CNTNAP2: variants seen among roughly 807,000 people sequenced by gnomAD.
CNTNAP2 encodes the protein contactin-associated protein-like 2.
CNTNAP2 carries 98 observed loss-of-function variants against 155.2 expected under a neutral mutation model. That is an observed-to-expected ratio of 0.63 (90% confidence interval 0.54 to 0.75). The LOEUF (loss-of-function observed/expected upper bound fraction) is 0.75, where lower values mean the gene tolerates loss of function less well. Ranked by LOEUF, CNTNAP2 falls within the 30% of genes least tolerant of loss-of-function variation. CNTNAP2 has a pLI of 0.00. For synonymous variants in CNTNAP2, 651 were observed against 631.2 expected, an observed-to-expected ratio of 1.03 and a Z score of -0.47; for missense variants, 1,727 against 1,688.1, an observed-to-expected ratio of 1.02 and a Z score of -0.40.
chr7:146,346,962 C>T (rs1179725272), intron 1 of CNTNAP2, among the ~76,000 whole-genome samples: 1 of 150,770 alleles, frequency 6.6e-6, no homozygotes, highest in Non-Finnish European at 1.5e-5. Context: ...TTTGGAGCCC[C>T]CTTCTGGGCA....
chr7:147,778,602 C>T (rs549940043), intron 13 of CNTNAP2, among the ~76,000 whole-genome samples: 14 of 152,288 alleles, frequency 9.2e-5, no homozygotes, highest in Middle Eastern at 3.4e-3. Context: ...AGTGATACCT[C>T]GGTCCCTGAA....
chr7:146,173,344 T>C (rs188857217), intron 1 of CNTNAP2, among the ~76,000 whole-genome samples: 1 of 152,268 alleles, frequency 6.6e-6, no homozygotes, highest in Admixed American at 6.5e-5. Flanking sequence ...TTTAATTTTC[T>C]CCAGGTGTTT....
intron 8 of CNTNAP2, among the ~76,000 whole-genome samples, chr7:147,158,236 C>A (rs573367188): frequency 6.6e-6 from 1 of 152,102 alleles, no homozygotes; most frequent in East Asian, 1.9e-4. Flanking sequence ...ATTTCATGGA[C>A]CTCTTAAAAA....
At chr7:146,216,532 G>T (rs572125886) in intron 1 of CNTNAP2, among the ~76,000 whole-genome samples, 70 of 152,142 alleles carry the variant, frequency 4.6e-4, no homozygotes, top group African/African-American at 1.6e-3. Context: ...AGCAACTGCC[G>T]ATCAGCAGAA....
chr7:147,074,668 G>A (rs1799961777), intron 4 of CNTNAP2, among the ~76,000 whole-genome samples: 1 of 151,988 alleles, frequency 6.6e-6, no homozygotes, highest in Non-Finnish European at 1.5e-5. Context: ...AATAGAATAG[G>A]CCAAAATATA....
intron 8 of CNTNAP2, among the ~76,000 whole-genome samples, chr7:147,238,617 T>C (rs762651929): frequency 2.0e-5 from 3 of 152,180 alleles, no homozygotes; most frequent in African/African-American, 4.8e-5. Flanking sequence ...ATTGAGAATA[T>C]ATTTTATTTC....
Position 147,616,242 on chromosome 7 carries a change from A to G in CNTNAP2, c.1898-22864A>G, listed in dbSNP as rs1285536355. The stretch of plus-strand genomic sequence containing the variant: ...AAAGTCTAAGTGACCATCTCCCATT[A>G]GCTAAAGTAGTAGTTTACAAGTCAT... On this transcript the variant is annotated intron_variant, in intron 12 of 23. Transcript: ENST00000361727. Among the ~76,000 whole-genome samples the G allele has an allele frequency of 2.6e-5, 4 of 152,146 alleles. No homozygotes were observed. The East Asian group carries it at 7.7e-4, about 29-fold the overall frequency.
At chr7:146,671,739 T>C (rs760173445) in intron 1 of CNTNAP2, among the ~76,000 whole-genome samples, 2 of 152,140 alleles carry the variant, frequency 1.3e-5, no homozygotes, top group Non-Finnish European at 2.9e-5. Context: ...TATTTCTCCT[T>C]CCATTTTAGT....
intron 2 of CNTNAP2, among the ~76,000 whole-genome samples, chr7:146,790,979 G>T (rs1007773553): frequency 6.6e-6 from 1 of 150,968 alleles, no homozygotes; most frequent in Non-Finnish European, 1.5e-5. Context: ...GTGCAGGTTT[G>T]TTACACAGGT....
intron 1 of CNTNAP2, among the ~76,000 whole-genome samples, chr7:146,450,935 A>ATAT (rs1796469961): frequency 6.7e-6 from 1 of 148,744 alleles, no homozygotes; most frequent in Non-Finnish European, 1.5e-5. Flanking sequence ...CATAGTAAAA[A>ATAT]TATTTATTTA....
chr7:146,323,143 G>A (rs1801035435), intron 1 of CNTNAP2, among the ~76,000 whole-genome samples: 1 of 152,002 alleles, frequency 6.6e-6, no homozygotes, highest in African/African-American at 2.4e-5. Context: ...GAACTGGAAG[G>A]GATAAAAATC....
intron 13 of CNTNAP2, among the ~76,000 whole-genome samples, chr7:147,681,795 A>AAGAG (rs150632064): frequency 6.7e-6 from 1 of 149,932 alleles, no homozygotes; most frequent in Non-Finnish European, 1.5e-5. Flanking sequence ...AGTATTTTGC[A>AAGAG]AGAGAGAGAG....
At chr7:146,989,283 T>A (rs1427835230) in intron 3 of CNTNAP2, among the ~76,000 whole-genome samples, 1 of 151,984 alleles carries the variant, frequency 6.6e-6, no homozygotes, top group Non-Finnish European at 1.5e-5. Flanking sequence ...AGAGCTGACC[T>A]CGTTAGCAGT....
chr7:146,642,718 T>C (rs1190767876), intron 1 of CNTNAP2, among the ~76,000 whole-genome samples: 4 of 152,190 alleles, frequency 2.6e-5, no homozygotes, highest in South Asian at 2.1e-4. Context: ...GTTCTAGATC[T>C]CTGAGGAATT....
chr7:147,300,655 T>C (rs2116770555), intron 9 of CNTNAP2, among the ~76,000 whole-genome samples: 1 of 152,324 alleles, frequency 6.6e-6, no homozygotes, highest in South Asian at 2.1e-4. Flanking sequence ...ACATTTATTA[T>C]CTCGCAGTTT....
At chr7:147,501,971 G>A (rs533649450) in intron 11 of CNTNAP2, among the ~76,000 whole-genome samples, 1 of 152,068 alleles carries the variant, frequency 6.6e-6, no homozygotes, top group Non-Finnish European at 1.5e-5. Context: ...ACTTGTAATA[G>A]TATCAAAAAG....
chr7:147,175,391 A>C (rs564798884), intron 8 of CNTNAP2, among the ~76,000 whole-genome samples: 1 of 152,306 alleles, frequency 6.6e-6, no homozygotes, highest in South Asian at 2.1e-4. Context: ...ACTTTAGCTT[A>C]AATATTCATT....
chr7:147,761,863 A>G (rs1584942481), intron 13 of CNTNAP2, among the ~76,000 whole-genome samples: 1 of 152,162 alleles, frequency 6.6e-6, no homozygotes, highest in East Asian at 1.9e-4. Flanking sequence ...GGAACAAAGA[A>G]CAGATTCTTC....
At chr7:148,192,405 T>TA (rs2116719048) in intron 18 of CNTNAP2, among the ~76,000 whole-genome samples, 1 of 151,966 alleles carries the variant, frequency 6.6e-6, no homozygotes, top group South Asian at 2.1e-4. Context: ...ACAACATTCA[T>TA]AAAAACTGAT....
Sources: gnomAD v4.1 joint callset for allele counts (sites outside exome capture counted in the v4.1 genomes callset) on GRCh38, gnomAD v4.1.1 for gene constraint, MANE v1.5 for transcripts, NCBI Gene and HGNC (gene_info 2026-07-23, HGNC 2026-07-21) for gene names.